Variants in IL21R observed in about 807,000 individuals in gnomAD.
IL21R encodes interleukin 21 receptor, also known as interleukin-21 receptor.
Under a neutral mutation model 41.3 loss-of-function variants are expected in IL21R, and 14 were observed. The observed-to-expected ratio is 0.34, with a 90% CI of 0.22 to 0.53. The LOEUF (loss-of-function observed/expected upper bound fraction) is 0.53. Among genes scored for constraint, IL21R ranks in the 20% least tolerant of loss-of-function variants. IL21R has a pLI of 0.94. For missense variants in IL21R, 588 were observed against 681.6 expected, an observed-to-expected ratio of 0.86 and a Z score of 1.53; for synonymous variants, 286 against 287.6, an observed-to-expected ratio of 0.99 and a Z score of 0.05.
Position 27,444,557 on chromosome 16 carries a change from C to A in IL21R, c.523C>A (p.Leu175Met). 6.6e-7 allele frequency: 1 copy of A among 1,520,972 alleles called. No individual in the cohort carries two copies. The allele number at this position is 1,520,972 out of a possible 1,614,324, so 94.2% of individuals were successfully genotyped here. Residue 175 changes from leucine (L) to methionine (M), a missense_variant, in exon 6 of 9, where the codon CTG (leucine) becomes ATG (methionine). Coordinates refer to ENST00000337929, the MANE Select transcript of IL21R (RefSeq NM_181078.3). ...DPWAVSPRRKLISVDSRSVSL... is the reference protein window; with the variant it reads ...DPWAVSPRRKMISVDSRSVSL... ...GTACTGGCAGAGTCCGAGGAGAAAGCTGATCTCAGTGGACTCAAGAAGTGT... is the reference window on the plus strand; with the variant it reads ...GTACTGGCAGAGTCCGAGGAGAAAGATGATCTCAGTGGACTCAAGAAGTGT...
chr16:27,450,318 G>T lies in IL21R; in HGVS notation c.*1035G>T, dbSNP rs370849990. 4.3e-6 allele frequency: 1 copy of T among 231,598 alleles called. No individual in the cohort carries two copies. The highest frequency in any genetic ancestry group is 8.5e-6 in the Non-Finnish European group (1 of 117,078). The allele number at this position is 231,598 out of a possible 1,614,324, so 14.3% of individuals were successfully genotyped here. A position where few individuals can be genotyped will look rare whatever the true frequency, so the allele number is the denominator to read the frequency against. The stretch of plus-strand genomic sequence containing the variant: ...GAGATATTTATTAAACACCAATTAC[G>T]TAGCAGGCCATGGCTCATGGGACCC... On this transcript the variant is annotated 3_prime_UTR_variant, in exon 9 of 9. Coordinates refer to ENST00000337929, the MANE Select transcript of IL21R (RefSeq NM_181078.3).
chr16:27,423,352 C>T (rs1335698014), intron 1 of IL21R, among the ~76,000 whole-genome samples: 1 of 151,984 alleles, frequency 6.6e-6, no homozygotes, highest in Non-Finnish European at 1.5e-5. Context: ...CTAAGCCTCA[C>T]TTACATTTAA....
chr16:27,421,335 CAA>C (rs35250936), intron 1 of IL21R, among the ~76,000 whole-genome samples: 3,784 of 84,390 alleles, frequency 0.045, 120 homozygotes, highest in African/African-American at 0.16. Context: ...TCAATTTCTG[CAA>C]AAAAAAAAAA....
intron 1 of IL21R, among the ~76,000 whole-genome samples, chr16:27,424,805 G>T (rs1232297447): frequency 6.6e-6 from 1 of 152,160 alleles, no homozygotes; most frequent in Non-Finnish European, 1.5e-5. Flanking sequence ...AATTTATAAA[G>T]AAAAGAGGTT....
At position 27,450,477 on chromosome 16, in the gene IL21R, G is replaced by A. The variant is rs1385177095; in HGVS notation, c.*1194G>A. On this transcript the variant is annotated 3_prime_UTR_variant, in exon 9 of 9. Coordinates refer to ENST00000337929, the MANE Select transcript of IL21R (RefSeq NM_181078.3). ...AATCCTGTCTTATTTGTTCATCCTGGAGAATTGAAGGGAGGTCAAGTTGTT... is the reference window on the plus strand; with the variant it reads ...AATCCTGTCTTATTTGTTCATCCTGAAGAATTGAAGGGAGGTCAAGTTGTT... 8.7e-6 allele frequency: 2 copies of A among 230,206 alleles called. No individual in the cohort carries two copies. The highest frequency in any genetic ancestry group is 1.7e-5 in the Non-Finnish European group (2 of 116,190). The allele number at this position is 230,206 out of a possible 1,614,324, so 14.3% of individuals were successfully genotyped here.
At chr16:27,413,207 A>T (rs2086846044) in intron 1 of IL21R, among the ~76,000 whole-genome samples, 1 of 152,150 alleles carries the variant, frequency 6.6e-6, no homozygotes, top group Non-Finnish European at 1.5e-5. Flanking sequence ...CTTTTTCTGC[A>T]TCAGGTGAGA....
chr16:27,418,056 TTTTATTTTATTTATG>T (rs2086921905), intron 1 of IL21R, among the ~76,000 whole-genome samples: 2 of 83,096 alleles, frequency 2.4e-5, no homozygotes, highest in Non-Finnish European at 5.6e-5. Context: ...TTTTATTTTA[TTTTATTTTATTTATG>T]TTATTTTATT....
Position 27,449,459 on chromosome 16 carries a change from T to C in IL21R, c.*176T>C, listed in dbSNP as rs2087552242. 2.5e-6 allele frequency: 1 copy of C among 401,284 alleles called. No individual in the cohort carries two copies. Among genetic ancestry groups the C allele is most frequent in the Non-Finnish European group, 4.2e-6 (1 of 240,810 alleles). The allele number at this position is 401,284 out of a possible 1,614,324, so 24.9% of individuals were successfully genotyped here. A position where few individuals can be genotyped will look rare whatever the true frequency, so the allele number is the denominator to read the frequency against. ...GCATATGTGTGTGTGTGCATATGCATGTGTGTGTGTGTGTGTGTCTTAGGT... is the reference window on the plus strand; with the variant it reads ...GCATATGTGTGTGTGTGCATATGCACGTGTGTGTGTGTGTGTGTCTTAGGT... On this transcript the variant is annotated 3_prime_UTR_variant, in exon 9 of 9. Coordinates refer to ENST00000337929, the MANE Select transcript of IL21R (RefSeq NM_181078.3).
Position 27,430,022 on chromosome 16 carries a change from G to T in IL21R, c.-16-34G>T, listed in dbSNP as rs535274049. The T allele has an allele frequency of 3.8e-6, 6 of 1,591,826 alleles. No individual in the cohort carries two copies. The African/African-American group carries it at 6.7e-5, about 18-fold the overall frequency. On this transcript the variant is annotated intron_variant, in intron 1 of 8. Transcript: ENST00000337929. ...GGGAGGCCGGGGGAGCCCTGAGCCC[G>T]CCTGGCTCACCCTCCACTGTACGTC...
intron 1 of IL21R, among the ~76,000 whole-genome samples, chr16:27,414,032 T>C (rs1336752045): frequency 6.6e-6 from 1 of 152,058 alleles, no homozygotes; most frequent in African/African-American, 2.4e-5. Flanking sequence ...CTAATCTTTA[T>C]AAATTAAAAG....
chr16:27,424,513 G>C (rs764141155), intron 1 of IL21R, among the ~76,000 whole-genome samples: 4 of 152,154 alleles, frequency 2.6e-5, no homozygotes, highest in Non-Finnish European at 4.4e-5. Context: ...ACATTTCTCA[G>C]CACTGAAACT....
intron 1 of IL21R, among the ~76,000 whole-genome samples, chr16:27,423,231 G>GTT (rs35803575): frequency 0.014 from 2,018 of 148,520 alleles, 22 homozygotes; most frequent in Non-Finnish European, 0.019. Flanking sequence ...CTCTTGTGCA[G>GTT]TTTTTTTTTT....
intron 2 of IL21R, 128 bp from the exon 3 acceptor site, chr16:27,434,219 T>C (rs1172425894): frequency 8.1e-6 from 5 of 620,656 alleles, no homozygotes; most frequent in Admixed American, 2.6e-5. Flanking sequence ...AGCTCCTGAG[T>C]CCTCATATTT....
intron 3 of IL21R, among the ~76,000 whole-genome samples, chr16:27,434,658 A>G (rs147225927): frequency 6.6e-6 from 1 of 152,294 alleles, no homozygotes; most frequent in East Asian, 1.9e-4. Context: ...CAGGTCGGCC[A>G]TGGTTTTGAG....
chr16:27,410,269 G>A (rs1397575269), intron 1 of IL21R, among the ~76,000 whole-genome samples: 2 of 151,562 alleles, frequency 1.3e-5, no homozygotes, highest in African/African-American at 4.9e-5. Context: ...GGAGGCGGAG[G>A]TTGCAGTGAG....
chr16:27,416,559 G>A (rs1031249227), intron 1 of IL21R, among the ~76,000 whole-genome samples: 91 of 151,814 alleles, frequency 6.0e-4, no homozygotes, highest in African/African-American at 2.2e-3. Flanking sequence ...CTTGATGCAG[G>A]TCTATCAGTG....
Position 27,448,550 on chromosome 16 carries a change from C to G in IL21R, c.884C>G (p.Pro295Arg). The G allele has an allele frequency of 6.2e-7, 1 of 1,607,488 alleles. No homozygotes were observed. The highest frequency in any genetic ancestry group is 8.5e-7 in the Non-Finnish European group (1 of 1,177,354). Reference protein sequence around the residue: ...SGDFKKWVGAPFTGSSLELGP... With the variant: ...SGDFKKWVGARFTGSSLELGP... ...CTCTCACAGAAATGGGTGGGTGCACCCTTCACTGGCTCCAGCCTGGAGCTG... is the reference window on the plus strand; with the variant it reads ...CTCTCACAGAAATGGGTGGGTGCACGCTTCACTGGCTCCAGCCTGGAGCTG... The change falls in exon 9 of 9, where the codon CCC becomes CGC. Residue 295 changes from proline (P) to arginine (R), a missense_variant. By Grantham distance (103) the Pro-to-Arg change is moderately radical. Coordinates refer to ENST00000337929, the MANE Select transcript of IL21R (RefSeq NM_181078.3).
At chr16:27,410,043 T>C (rs1480367266) in intron 1 of IL21R, among the ~76,000 whole-genome samples, 3 of 152,190 alleles carry the variant, frequency 2.0e-5, no homozygotes, top group Non-Finnish European at 4.4e-5. Context: ...TGTGTAGAAG[T>C]CTTGTACATC....
At chr16:27,412,420 C>CTTCT (rs1217265525) in intron 1 of IL21R, among the ~76,000 whole-genome samples, 4 of 140,584 alleles carry the variant, frequency 2.8e-5, no homozygotes, top group Non-Finnish European at 4.6e-5. Context: ...TCTTCTTCTT[C>CTTCT]TTTTTTTTTT....
Sources: gnomAD v4.1 joint callset for allele counts (sites outside exome capture counted in the v4.1 genomes callset) on GRCh38, gnomAD v4.1.1 for gene constraint, MANE v1.5 for transcripts, NCBI Gene and HGNC (gene_info 2026-07-23, HGNC 2026-07-21) for gene names.